CPNE4: variants seen among roughly 807,000 people sequenced by gnomAD.
CPNE4 encodes copine 4, also known as copine-4.
Under a neutral mutation model 67.9 loss-of-function variants are expected in CPNE4, and 25 were observed. The observed-to-expected ratio is 0.37, with a 90% CI of 0.27 to 0.51. The LOEUF is 0.51. Among genes scored for constraint, CPNE4 ranks in the 20% least tolerant of loss-of-function variants. The pLI is 0.93. For synonymous variants in CPNE4, 242 were observed against 244.9 expected (o/e 0.99, Z 0.11); for missense variants, 464 against 690.8 (o/e 0.67, Z 3.68).
At chr3:131,690,715 A>C (rs941954299) in intron 5 of CPNE4, among the ~76,000 whole-genome samples, 4 of 132,082 alleles carry the variant, frequency 3.0e-5, no homozygotes, top group Admixed American at 2.3e-4. Context: ...ATTAAACTAA[A>C]GAGCTTCTGC....
intron 1 of CPNE4, among the ~76,000 whole-genome samples, chr3:131,929,540 C>T (rs1010471600): frequency 9.9e-5 from 15 of 152,224 alleles, no homozygotes; most frequent in African/African-American, 3.4e-4. Context: ...TCTGCCCCTT[C>T]TCCATGTCTT....
At chr3:131,578,005 C>T (rs988631315) in intron 9 of CPNE4, among the ~76,000 whole-genome samples, 21 of 152,028 alleles carry the variant, frequency 1.4e-4, no homozygotes, top group African/African-American at 4.6e-4. Context: ...TAAGTTGAGT[C>T]ATCGTAAATT....
chr3:131,755,433 T>TA (rs1360619292), intron 2 of CPNE4, among the ~76,000 whole-genome samples: 1 of 152,152 alleles, frequency 6.6e-6, no homozygotes, highest in African/African-American at 2.4e-5. Context: ...CCTCAGATGT[T>TA]AAAAAAATTA....
At chr3:131,922,750 T>C (rs1027984345) in intron 1 of CPNE4, among the ~76,000 whole-genome samples, 2 of 152,142 alleles carry the variant, frequency 1.3e-5, no homozygotes, top group Non-Finnish European at 2.9e-5. Flanking sequence ...AATAGCTACC[T>C]CCCAAGACTA....
At chr3:131,808,144 G>T (rs940398019) in intron 2 of CPNE4, among the ~76,000 whole-genome samples, 2 of 152,036 alleles carry the variant, frequency 1.3e-5, no homozygotes, top group Admixed American at 1.3e-4. Context: ...CAGGTATAAG[G>T]ACTCTACCCC....
chr3:131,932,419 T>C (rs1055836628), intron 1 of CPNE4, among the ~76,000 whole-genome samples: 1 of 152,110 alleles, frequency 6.6e-6, no homozygotes, highest in Admixed American at 6.5e-5. Flanking sequence ...TGCTAGGTAC[T>C]CATGATTAAG....
At chr3:131,849,607 C>T (rs1488150961) in intron 2 of CPNE4, among the ~76,000 whole-genome samples, 7 of 152,090 alleles carry the variant, frequency 4.6e-5, no homozygotes, top group South Asian at 2.1e-4. Context: ...AAGATTTGGG[C>T]GGGGACACAA....
intron 7 of CPNE4, among the ~76,000 whole-genome samples, chr3:131,656,053 C>CTTTTTTT (rs11360041): frequency 3.0e-5 from 4 of 131,668 alleles, no homozygotes; most frequent in Non-Finnish European, 3.2e-5. Context: ...AATACTGTTT[C>CTTTTTTT]TTTTTTTTTT....
intron 1 of CPNE4, among the ~76,000 whole-genome samples, chr3:131,954,325 C>T (rs1438149029): frequency 5.3e-5 from 8 of 152,126 alleles, no homozygotes; most frequent in Admixed American, 3.9e-4. Flanking sequence ...GAGAGATCAC[C>T]GGATTCCATT....
chr3:131,974,745 C>T (rs111551602), intron 1 of CPNE4, among the ~76,000 whole-genome samples: 2 of 152,104 alleles, frequency 1.3e-5, no homozygotes, highest in African/African-American at 2.4e-5. Flanking sequence ...CAGTGGCTCA[C>T]GTATGTAATC....
intron 1 of CPNE4, 70 bp downstream of exon 1, chr3:132,034,497 A>G: frequency 2.6e-6 from 2 of 779,514 alleles, no homozygotes; most frequent in Non-Finnish European, 3.1e-6. Flanking sequence ...CTTGCTACGC[A>G]GCAGCTCCAA....
intron 3 of CPNE4, among the ~76,000 whole-genome samples, chr3:131,717,869 CTTTCTTTT>C (rs2081745411): frequency 4.4e-5 from 2 of 45,156 alleles, no homozygotes; most frequent in African/African-American, 1.4e-4. Context: ...TCCTTTCTTT[CTTTCTTTT>C]CTTTCTTTCT....
intron 7 of CPNE4, among the ~76,000 whole-genome samples, chr3:131,627,232 ATTATGCT>A (rs2079101340): frequency 6.6e-6 from 1 of 151,962 alleles, no homozygotes; most frequent in Admixed American, 6.6e-5. Flanking sequence ...AAGAAAAAGA[ATTATGCT>A]AAATCTACTC....
intron 2 of CPNE4, among the ~76,000 whole-genome samples, chr3:131,849,608 G>A (rs1205091084): frequency 2.0e-5 from 3 of 152,150 alleles, no homozygotes; most frequent in Middle Eastern, 3.4e-3. Context: ...AGATTTGGGC[G>A]GGGACACAAA....
rs780122287 is a variant in CPNE4, at chr3:131,754,007, C to T, written c.181-30382G>A. ...ATGAACTATACCACTGTTTTTAGTG[C>T]CAAATAAACTGGAAACATGATGAAT... On this transcript the variant is annotated intron_variant, in intron 2 of 15. Transcript: ENST00000429747. Among the ~76,000 whole-genome samples the T allele has an allele frequency of 3.9e-5, 6 of 152,044 alleles. No homozygotes were observed. In the East Asian group the frequency reaches 9.6e-4, roughly 24 times the overall value.
At chr3:131,648,632 GT>G (rs566671914) in intron 7 of CPNE4, among the ~76,000 whole-genome samples, 18 of 152,262 alleles carry the variant, frequency 1.2e-4, no homozygotes, top group African/African-American at 4.1e-4. Flanking sequence ...AGAATAAATA[GT>G]TTAAATATTT....
At chr3:131,901,184 TCTGA>T (rs1301614420) in intron 2 of CPNE4, among the ~76,000 whole-genome samples, 1 of 152,112 alleles carries the variant, frequency 6.6e-6, no homozygotes, top group Non-Finnish European at 1.5e-5. Flanking sequence ...GTCCTTGCCT[TCTGA>T]CTGTCTAAGA....
At chr3:131,636,969 C>T (rs2079404719) in intron 7 of CPNE4, among the ~76,000 whole-genome samples, 1 of 152,182 alleles carries the variant, frequency 6.6e-6, no homozygotes, top group Non-Finnish European at 1.5e-5. Context: ...TCTCAGGAAG[C>T]TCCATTCCTA....
At chr3:132,001,575 G>GAA (rs1938214734) in intron 1 of CPNE4, among the ~76,000 whole-genome samples, 1 of 143,466 alleles carries the variant, frequency 7.0e-6, no homozygotes. Context: ...AAGAAAGAAA[G>GAA]AAAGAAAGAA....
Sources: allele counts gnomAD v4.1 joint callset (sites outside exome capture counted in the v4.1 genomes callset), GRCh38; gene constraint gnomAD v4.1.1; transcripts MANE v1.5; gene names NCBI Gene and HGNC (gene_info 2026-07-23, HGNC 2026-07-21).